Variants in DOCK9 observed in about 807,000 individuals in gnomAD.
The protein encoded by DOCK9 is dedicator of cytokinesis protein 9.
DOCK9 carries 89 observed loss-of-function variants against 263.3 expected under a neutral mutation model. The ratio of observed to expected loss-of-function variants is 0.34; its 90% confidence interval spans 0.28 to 0.40. The LOEUF (loss-of-function observed/expected upper bound fraction) is 0.40. Among genes scored for constraint, DOCK9 ranks in the 10% least tolerant of loss-of-function variants. The probability of loss-of-function intolerance (pLI) is 1.00; values close to 1 mark genes in which losing one functional copy is unlikely to be tolerated. For missense variants in DOCK9, 2,140 were observed against 2,603.4 expected, an observed-to-expected ratio of 0.82 and a Z score of 3.87; for synonymous variants, 976 against 973.1, an observed-to-expected ratio of 1.00 and a Z score of -0.06.
intron 2 of DOCK9, among the ~76,000 whole-genome samples, chr13:98,954,707 G>C (rs1219465536): frequency 2.0e-5 from 3 of 152,186 alleles, no homozygotes; most frequent in Non-Finnish European, 4.4e-5. Context: ...CTAAAAAAAG[G>C]CATGACGAAA....
chr13:98,897,882 C>T (rs1238470106), intron 14 of DOCK9, among the ~76,000 whole-genome samples: 2 of 152,086 alleles, frequency 1.3e-5, no homozygotes, highest in African/African-American at 4.8e-5. Context: ...TAAAGATCAC[C>T]CCAGGCCTCA....
chr13:98,894,503 G>C (rs2047085125), intron 15 of DOCK9, among the ~76,000 whole-genome samples: 1 of 151,932 alleles, frequency 6.6e-6, no homozygotes, highest in African/African-American at 2.4e-5. Flanking sequence ...TAGTAATACA[G>C]ATATATTTTT....
chr13:98,950,194 G>A lies in DOCK9; in HGVS notation c.243+5241C>T, dbSNP rs567641288. 1.6e-4 allele frequency: 164 copies of A among 994,166 alleles called. 3 individuals carry two copies. Among genetic ancestry groups the A allele is most frequent in the South Asian group, 1.2e-3 (75 of 61,168 alleles). The allele number at this position is 994,166 out of a possible 1,614,324, so 61.6% of individuals were successfully genotyped here. ...TTGGATGCGTAAAACAAAGGCCAAG[G>A]AATGTTTATCTGGCAATTCCAAGGC... On this transcript the variant is annotated intron_variant, in intron 2 of 52. Transcript: ENST00000682017.
intron 2 of DOCK9, among the ~76,000 whole-genome samples, chr13:98,947,515 T>TTTC: frequency 6.7e-6 from 1 of 150,072 alleles, no homozygotes; most frequent in African/African-American, 2.5e-5. Flanking sequence ...AATTTTTTTT[T>TTTC]TTTTTTTTTT....
At chr13:98,931,759 G>A (rs1265996055) in intron 2 of DOCK9, among the ~76,000 whole-genome samples, 4 of 151,622 alleles carry the variant, frequency 2.6e-5, no homozygotes, top group East Asian at 1.9e-4. Context: ...CACCACACCC[G>A]CCTAATTTTT....
intron 1 of DOCK9, among the ~76,000 whole-genome samples, chr13:98,967,461 A>G (rs1306894086): frequency 6.6e-6 from 1 of 152,204 alleles, no homozygotes; most frequent in African/African-American, 2.4e-5. Flanking sequence ...AGAGAATTAG[A>G]TGGTTTACTG....
At chr13:98,987,823 A>C (rs1878820657) in intron 1 of DOCK9, among the ~76,000 whole-genome samples, 1 of 152,262 alleles carries the variant, frequency 6.6e-6, no homozygotes, top group African/African-American at 2.4e-5. Flanking sequence ...AAATATTTTT[A>C]AGTTTTGTTT....
At chr13:99,059,762 A>G (rs913920226) in intron 1 of DOCK9, among the ~76,000 whole-genome samples, 10 of 152,104 alleles carry the variant, frequency 6.6e-5, no homozygotes, top group Non-Finnish European at 1.3e-4. Context: ...CATCATAACA[A>G]TCTAATTTTC....
At chr13:98,880,756 C>G in intron 25 of DOCK9, 84 bp from the exon 26 acceptor site, 1 of 1,516,410 alleles carries the variant, frequency 6.6e-7, no homozygotes, top group Non-Finnish European at 9.0e-7. Flanking sequence ...GAATGGAGAT[C>G]AGGGACTGAG....
chr13:98,965,892 T>C (rs2059141749), intron 1 of DOCK9, among the ~76,000 whole-genome samples: 1 of 152,244 alleles, frequency 6.6e-6, no homozygotes, highest in African/African-American at 2.4e-5. Flanking sequence ...CAGTTTTTTA[T>C]ATTATAAACA....
At chr13:98,837,801 A>C (rs1478901759) in intron 38 of DOCK9, among the ~76,000 whole-genome samples, 192 bp from the exon 39 acceptor site, 2 of 151,990 alleles carry the variant, frequency 1.3e-5, no homozygotes, top group African/African-American at 2.4e-5. Context: ...ATAATGTTTC[A>C]ATACAATTAT....
upstream of DOCK9, among the ~76,000 whole-genome samples, chr13:98,980,657 A>C (rs1252627806): frequency 6.6e-6 from 1 of 152,256 alleles, no homozygotes; most frequent in Non-Finnish European, 1.5e-5. Flanking sequence ...TTCTCATTCC[A>C]ACCTGAAGAA....
chr13:99,005,351 A>G lies in DOCK9; in HGVS notation c.130-49800T>C, dbSNP rs1883137820. Among the ~76,000 whole-genome samples the G allele has an allele frequency of 2.6e-5, 4 of 152,348 alleles. No individual in the cohort carries two copies. The South Asian group carries it at 8.3e-4, about 32-fold the overall frequency. On this transcript the variant is annotated intron_variant, in intron 1 of 32. Coordinates refer to the DOCK9 transcript ENST00000427887. Reference sequence around the variant, plus strand: ...TCTGTTTATTCTATCTTTAAATTATAGAATTTATGTCTCTCCCCAAATTTC... The same window carrying G: ...TCTGTTTATTCTATCTTTAAATTATGGAATTTATGTCTCTCCCCAAATTTC...
intron 1 of DOCK9, among the ~76,000 whole-genome samples, chr13:99,037,934 G>A (rs1888060930): frequency 6.6e-6 from 1 of 152,150 alleles, no homozygotes; most frequent in Non-Finnish European, 1.5e-5. Flanking sequence ...ATTACCTAAG[G>A]ATGAGGAAAG....
intron 45 of DOCK9, 92 bp from the exon 46 acceptor site, chr13:98,810,383 A>G (rs1329032705): frequency 6.6e-7 from 1 of 1,510,254 alleles, no homozygotes; most frequent in Non-Finnish European, 9.0e-7. Context: ...TAAGACTGCC[A>G]GGAGGAATTT....
intron 1 of DOCK9, among the ~76,000 whole-genome samples, chr13:99,072,025 C>G (rs9557132): frequency 0.15 from 22,584 of 152,200 alleles, 2,399 homozygotes; most frequent in East Asian, 0.43. Flanking sequence ...ATCTTGAAAC[C>G]CTTCACCCCA....
intron 1 of DOCK9, among the ~76,000 whole-genome samples, chr13:99,008,212 C>CTCTCTCTA (rs1433985064): frequency 2.5e-5 from 2 of 79,166 alleles, no homozygotes; most frequent in African/African-American, 4.3e-5. Flanking sequence ...CTCTCTCTCT[C>CTCTCTCTA]TATATATATA....
chr13:98,822,968 T>C (rs1315601534), intron 45 of DOCK9, among the ~76,000 whole-genome samples: 1 of 152,146 alleles, frequency 6.6e-6, no homozygotes, highest in East Asian at 1.9e-4. Flanking sequence ...TTAAGAATTA[T>C]TGAGGACCTC....
intron 1 of DOCK9, among the ~76,000 whole-genome samples, chr13:99,012,188 A>G (rs1466207285): frequency 6.6e-6 from 1 of 152,148 alleles, no homozygotes; most frequent in African/African-American, 2.4e-5. Flanking sequence ...AATGCCCTCA[A>G]TAACATCCTT....
Sources: allele counts gnomAD v4.1 joint callset (sites outside exome capture counted in the v4.1 genomes callset), GRCh38; gene constraint gnomAD v4.1.1; transcripts MANE v1.5; gene names NCBI Gene and HGNC (gene_info 2026-07-23, HGNC 2026-07-21).